The following SCD5 variants were observed in gnomAD, a reference collection of about 807,000 sequenced individuals.
SCD5 encodes the protein acyl-CoA-desaturase 4.
Under a neutral mutation model 30.4 loss-of-function variants are expected in SCD5, and 20 were observed. That is an observed-to-expected ratio of 0.66 (90% CI 0.46 to 0.96). The LOEUF (loss-of-function observed/expected upper bound fraction) is 0.96, where lower values mean the gene tolerates loss of function less well. Among genes scored for constraint, SCD5 ranks in the 40% least tolerant of loss-of-function variants. The pLI, the probability that SCD5 is intolerant of heterozygous loss-of-function variation, is 0.00. For synonymous variants in SCD5, 173 were observed against 176.4 expected (o/e 0.98, Z 0.16); for missense variants, 381 against 443.3 (o/e 0.86, Z 1.26).
intron 1 of SCD5, among the ~76,000 whole-genome samples, chr4:82,787,812 T>A (rs1722017627): frequency 6.6e-6 from 1 of 152,132 alleles, no homozygotes. Context: ...AAGGATCATT[T>A]GAGGCTAGGA....
At chr4:82,658,795 CTT>C (rs70964798) in intron 3 of SCD5, among the ~76,000 whole-genome samples, 2 of 151,644 alleles carry the variant, frequency 1.3e-5, no homozygotes, top group Admixed American at 1.3e-4. Context: ...CTGATATTTT[CTT>C]TTTTTTGTTG....
chr4:82,739,342 TGG>T (rs753204506), intron 1 of SCD5, among the ~76,000 whole-genome samples: 7 of 152,358 alleles, frequency 4.6e-5, no homozygotes, highest in Admixed American at 2.6e-4. Context: ...CTCGGGATCA[TGG>T]GTTCCTCACG....
intron 2 of SCD5, among the ~76,000 whole-genome samples, chr4:82,698,880 ATTTG>A (rs1719753700): frequency 6.6e-6 from 1 of 152,032 alleles, no homozygotes. Context: ...CTCTGAATAC[ATTTG>A]TTTGTTCATT....
At chr4:82,729,947 GA>G (rs1269080821) in intron 1 of SCD5, among the ~76,000 whole-genome samples, 2 of 152,050 alleles carry the variant, frequency 1.3e-5, no homozygotes, top group Non-Finnish European at 2.9e-5. Context: ...TGCTGCCTTA[GA>G]AACTCAAAGT....
At chr4:82,746,766 C>A (rs1286707991) in intron 1 of SCD5, among the ~76,000 whole-genome samples, 2 of 151,934 alleles carry the variant, frequency 1.3e-5, no homozygotes, top group African/African-American at 4.8e-5. Context: ...AAGGGAGGTG[C>A]TGAGTAGAGA....
chr4:82,761,906 C>T (rs1345442416), intron 1 of SCD5, among the ~76,000 whole-genome samples: 1 of 152,022 alleles, frequency 6.6e-6, no homozygotes, highest in Non-Finnish European at 1.5e-5. Flanking sequence ...GGCGTAGTGG[C>T]TCATGCCTGT....
chr4:82,642,375 T>C (rs553593729), intron 3 of SCD5, among the ~76,000 whole-genome samples: 3 of 152,272 alleles, frequency 2.0e-5, no homozygotes, highest in East Asian at 3.9e-4. Flanking sequence ...GTGTTGAACA[T>C]AGACCTGGCC....
intron 2 of SCD5, among the ~76,000 whole-genome samples, chr4:82,704,827 C>A (rs117798766): frequency 1.3e-5 from 2 of 152,196 alleles, no homozygotes; most frequent in African/African-American, 4.8e-5. Context: ...GAATGTACTG[C>A]TTTTTAGGCA....
intron 1 of SCD5, among the ~76,000 whole-genome samples, chr4:82,718,064 A>G (rs928874829): frequency 4.4e-5 from 6 of 137,714 alleles, no homozygotes; most frequent in African/African-American, 1.8e-4. Context: ...GTTATGGGTC[A>G]TTATCACCTT....
intron 3 of SCD5, among the ~76,000 whole-genome samples, chr4:82,670,755 T>C (rs2868393): frequency 0.19 from 26,534 of 143,276 alleles, 2,775 homozygotes; most frequent in East Asian, 0.36. Flanking sequence ...TGTCAATTGA[T>C]ATGGCAAATA....
At chr4:82,781,521 G>A (rs762263118) in intron 1 of SCD5, among the ~76,000 whole-genome samples, 3 of 152,134 alleles carry the variant, frequency 2.0e-5, no homozygotes, top group Non-Finnish European at 4.4e-5. Flanking sequence ...TATCCACTTG[G>A]GTTATGCTGT....
chr4:82,723,658 C>A (rs1578038810), intron 1 of SCD5, among the ~76,000 whole-genome samples: 1 of 152,318 alleles, frequency 6.6e-6, no homozygotes, highest in East Asian at 1.9e-4. Context: ...AAGCACACAG[C>A]ATCACCCTTC....
chr4:82,643,449 G>T (rs1032103672), intron 3 of SCD5, among the ~76,000 whole-genome samples: 24 of 152,142 alleles, frequency 1.6e-4, no homozygotes, highest in African/African-American at 5.8e-4. Context: ...AAAACATTAA[G>T]ATTAGTAAAA....
chr4:82,654,299 G>A (rs1258996323), intron 3 of SCD5, among the ~76,000 whole-genome samples: 1 of 152,138 alleles, frequency 6.6e-6, no homozygotes, highest in Non-Finnish European at 1.5e-5. Context: ...AAGTGACTTG[G>A]ACAGGGAGCC....
chr4:82,793,264 T>G (rs890559293), intron 1 of SCD5, among the ~76,000 whole-genome samples: 9 of 152,162 alleles, frequency 5.9e-5, no homozygotes, highest in African/African-American at 2.2e-4. Flanking sequence ...AAAGAAATGA[T>G]GTGGCCCTGT....
chr4:82,726,455 C>T (rs1396564405), intron 1 of SCD5, among the ~76,000 whole-genome samples: 1 of 146,430 alleles, frequency 6.8e-6, no homozygotes, highest in Non-Finnish European at 1.5e-5. Context: ...TGGATTTTTA[C>T]AGCAAGGTTA....
chr4:82,742,727 C>T (rs1358590478), intron 1 of SCD5, among the ~76,000 whole-genome samples: 1 of 152,112 alleles, frequency 6.6e-6, no homozygotes, highest in African/African-American at 2.4e-5. Flanking sequence ...GTGGAGGTTG[C>T]CGTGAGCTGA....
chr4:82,737,771 G>A (rs571834760), intron 1 of SCD5, among the ~76,000 whole-genome samples: 51 of 152,280 alleles, frequency 3.3e-4, no homozygotes, highest in African/African-American at 1.2e-3. Context: ...TGATCTGAAA[G>A]CATTTTACAA....
In SCD5 at chr4:82,798,695, TC is replaced by T; in HGVS notation, c.-159del. On this transcript the variant is annotated 5_prime_UTR_variant, in exon 1 of 5. Coordinates refer to ENST00000319540, the MANE Select transcript of SCD5 (RefSeq NM_001037582.3). ...CCCTTCTCCCGGGCTCCTGCGCTCTTCCCCAGGGTCTTAGCGTGGCCTAGGG... is the reference window on the plus strand; with the variant it reads ...CCCTTCTCCCGGGCTCCTGCGCTCTTCCCAGGGTCTTAGCGTGGCCTAGGG... 1 of 656,232 alleles carries T rather than the reference TC, an allele frequency of 1.5e-6. No homozygotes were observed. Among genetic ancestry groups the T allele is most frequent in the Non-Finnish European group, 2.5e-6 (1 of 394,896 alleles). The allele number at this position is 656,232 out of a possible 1,614,324, so 40.7% of individuals were successfully genotyped here. A position where few individuals can be genotyped will look rare whatever the true frequency, so the allele number is the denominator to read the frequency against.
Sources: allele counts gnomAD v4.1 joint callset (sites outside exome capture counted in the v4.1 genomes callset), GRCh38; gene constraint gnomAD v4.1.1; transcripts MANE v1.5; gene names NCBI Gene and HGNC (gene_info 2026-07-23, HGNC 2026-07-21).